Variants in ARHGAP32 observed in about 807,000 individuals in gnomAD.
ARHGAP32 encodes rho GTPase-activating protein 32.
A neutral mutation model predicts 186.5 loss-of-function variants in ARHGAP32; 51 were observed. The ratio of observed to expected loss-of-function variants is 0.27; its 90% CI spans 0.22 to 0.35. The LOEUF (loss-of-function observed/expected upper bound fraction) is 0.35. ARHGAP32 is among the 10% of genes least tolerant of loss of function. The pLI is 1.00. For missense variants in ARHGAP32, 2,186 were observed against 2,623.5 expected, an observed-to-expected ratio of 0.83 and a Z score of 3.64; for synonymous variants, 950 against 964.3, an observed-to-expected ratio of 0.99 and a Z score of 0.27.
chr11:129,140,409 T>G (rs909216311), intron 2 of ARHGAP32, among the ~76,000 whole-genome samples: 1 of 152,190 alleles, frequency 6.6e-6, no homozygotes, highest in Non-Finnish European at 1.5e-5. Flanking sequence ...TAAATGGGTA[T>G]TCTTTTAAGC....
chr11:129,004,874 T>C (rs1937680600), intron 11 of ARHGAP32, among the ~76,000 whole-genome samples: 1 of 152,150 alleles, frequency 6.6e-6, no homozygotes, highest in Non-Finnish European at 1.5e-5. Context: ...TTTGATGTTA[T>C]TATCGGTAAG....
intron 1 of ARHGAP32, among the ~76,000 whole-genome samples, chr11:129,235,148 T>G (rs569353342): frequency 6.6e-6 from 1 of 152,302 alleles, no homozygotes; most frequent in South Asian, 2.1e-4. Context: ...GTGGCCCTGC[T>G]GACATCTTGA....
At chr11:129,128,589 C>T (rs1220233201) in intron 2 of ARHGAP32, among the ~76,000 whole-genome samples, 1 of 150,898 alleles carries the variant, frequency 6.6e-6, no homozygotes, top group African/African-American at 2.4e-5. Flanking sequence ...TCCCCCTCCC[C>T]CTCCCTCTCC....
At position 129,069,496 on chromosome 11, in the gene ARHGAP32, C is replaced by A. The variant is rs1185628458; in HGVS notation, c.532-2628G>T. 2.6e-5 allele frequency among the ~76,000 whole-genome samples: 4 copies of A among 152,138 alleles called. No individual in the cohort carries two copies. In the East Asian group the frequency reaches 7.7e-4, roughly 29 times the overall value. ...CAAGCAACCAGTCACCAATGTTCAA[C>A]AACTCAAAAGACAAAAGAACATTCT... On this transcript the variant is annotated intron_variant, in intron 6 of 22. Coordinates refer to ENST00000682385, the MANE Select transcript of ARHGAP32 (RefSeq NM_001378024.1).
intron 6 of ARHGAP32, among the ~76,000 whole-genome samples, chr11:129,070,145 C>T (rs745742512): frequency 6.6e-6 from 1 of 152,028 alleles, no homozygotes; most frequent in Non-Finnish European, 1.5e-5. Context: ...AGGCTATGTG[C>T]TAATCACTTG....
At chr11:129,206,875 G>A (rs960703073) in intron 1 of ARHGAP32, among the ~76,000 whole-genome samples, 5 of 151,838 alleles carry the variant, frequency 3.3e-5, no homozygotes, top group Non-Finnish European at 7.4e-5. Flanking sequence ...ATCTACATTA[G>A]GTATATCTCC....
chr11:129,021,251 G>C (rs981620352), intron 11 of ARHGAP32, among the ~76,000 whole-genome samples: 5 of 151,928 alleles, frequency 3.3e-5, no homozygotes, highest in Non-Finnish European at 7.4e-5. Flanking sequence ...TTTTAGAAAA[G>C]AATCTTTTAG....
chr11:129,034,457 C>T (rs1202850390), intron 11 of ARHGAP32, among the ~76,000 whole-genome samples: 1 of 152,058 alleles, frequency 6.6e-6, no homozygotes. Context: ...CTTCTCTGTT[C>T]TCCATTTCTC....
chr11:129,164,486 A>C, intron 1 of ARHGAP32, 59 bp from the exon 2 acceptor site: 2 of 976,434 alleles, frequency 2.0e-6, no homozygotes, highest in Non-Finnish European at 3.0e-6. Flanking sequence ...AAAGCCTTCC[A>C]ATGATCACAA....
chr11:129,270,784 GAA>G (rs1392492501), intron 1 of ARHGAP32, among the ~76,000 whole-genome samples: 1 of 150,838 alleles, frequency 6.6e-6, no homozygotes, highest in African/African-American at 2.4e-5. Context: ...AAGAAGAAAA[GAA>G]GAGAGAGCAG....
intron 2 of ARHGAP32, among the ~76,000 whole-genome samples, chr11:129,136,181 A>G (rs1395659537): frequency 6.6e-6 from 1 of 152,226 alleles, no homozygotes; most frequent in Non-Finnish European, 1.5e-5. Flanking sequence ...ACATTACAAA[A>G]GAGGATATCT....
intron 1 of ARHGAP32, among the ~76,000 whole-genome samples, chr11:129,214,041 G>A (rs1944614335): frequency 6.6e-6 from 1 of 151,588 alleles, no homozygotes; most frequent in African/African-American, 2.4e-5. Flanking sequence ...AAAAAAATCA[G>A]ACAAACCAAG....
At chr11:129,006,186 T>C (rs1937761887) in intron 11 of ARHGAP32, among the ~76,000 whole-genome samples, 1 of 152,200 alleles carries the variant, frequency 6.6e-6, no homozygotes, top group Non-Finnish European at 1.5e-5. Context: ...TCGAAGTCTC[T>C]GTCTGAAAGG....
intron 1 of ARHGAP32, among the ~76,000 whole-genome samples, chr11:129,216,691 A>AG (rs1244204388): frequency 0.23 from 32,504 of 143,198 alleles, 3,821 homozygotes; most frequent in Middle Eastern, 0.29. Flanking sequence ...AAAAAAAAAA[A>AG]AAGACAATCT....
chr11:129,251,753 G>A (rs555848022), intron 1 of ARHGAP32, among the ~76,000 whole-genome samples: 2 of 143,040 alleles, frequency 1.4e-5, no homozygotes, highest in African/African-American at 5.2e-5. Flanking sequence ...GTGAAACCCC[G>A]ACTCTATTAA....
At chr11:129,009,605 G>A (rs1937968443) in intron 11 of ARHGAP32, among the ~76,000 whole-genome samples, 1 of 152,198 alleles carries the variant, frequency 6.6e-6, no homozygotes, top group South Asian at 2.1e-4. Context: ...TTCTGTTCCT[G>A]CCTTTGTTTG....
chr11:129,123,890 G>C lies in ARHGAP32; in HGVS notation c.357C>G (p.His119Gln). The C allele has an allele frequency of 7.7e-7, 1 of 1,296,076 alleles. No individual in the cohort carries two copies. The highest frequency in any genetic ancestry group is 1.2e-5 in the South Asian group (1 of 80,928). The allele number at this position is 1,296,076 out of a possible 1,614,324, so 80.3% of individuals were successfully genotyped here. Residue 119 changes from histidine to glutamine, a missense_variant and splice_region_variant, in exon 4 of 23, where the codon CAC becomes CAG. By Grantham distance (24) the His-to-Gln change is conservative. Coordinates refer to ENST00000682385, the MANE Select transcript of ARHGAP32 (RefSeq NM_001378024.1). This position sits in a 1 kb window ranked among gnomAD's most constrained non-coding sequence, Gnocchi z 4.6. ...TPGLMGCDNIHRLPFTKGHFP... is the reference protein window; with the variant it reads ...TPGLMGCDNIQRLPFTKGHFP... ...CAAAGTAGAAAACCAGATTTTACCT[G>C]TGAATGTTGTCACAGCCCATCAGTC...
At chr11:129,011,336 G>A (rs1415409043) in intron 11 of ARHGAP32, among the ~76,000 whole-genome samples, 1 of 152,170 alleles carries the variant, frequency 6.6e-6, no homozygotes, top group Non-Finnish European at 1.5e-5. Flanking sequence ...TTAGCACAGA[G>A]TCCAAACTCT....
chr11:128,997,877 A>G (rs1946244643), intron 12 of ARHGAP32, among the ~76,000 whole-genome samples: 3 of 152,142 alleles, frequency 2.0e-5, no homozygotes, highest in Admixed American at 1.3e-4. Flanking sequence ...GTGGGCAACA[A>G]ATCAAGGCCC....
Sources: allele counts gnomAD v4.1 joint callset (sites outside exome capture counted in the v4.1 genomes callset), GRCh38; gene constraint gnomAD v4.1.1; non-coding constraint Gnocchi (gnomAD v3.1); transcripts MANE v1.5; gene names NCBI Gene and HGNC (gene_info 2026-07-23, HGNC 2026-07-21).